Variants in VMA21 observed in about 807,000 individuals in gnomAD.
The protein encoded by VMA21 is vacuolar ATPase assembly integral membrane protein VMA21.
For synonymous variants in VMA21, 47 were observed against 34.1 expected, an observed-to-expected ratio of 1.38 and a Z score of -1.32; for missense variants, 61 against 80.6, an observed-to-expected ratio of 0.76 and a Z score of 0.93.
At chrX:151,398,187 T>G (rs1426997009) in intron 1 of VMA21, among the ~76,000 whole-genome samples, 2 of 108,232 alleles carry the variant, frequency 1.8e-5, no homozygotes, top group East Asian at 2.9e-4. Context: ...GTGAGTTTTT[T>G]TTTTTTTTTT....
At chrX:151,404,048 A>G (rs2011260779) in intron 2 of VMA21, among the ~76,000 whole-genome samples, 1 of 104,940 alleles carries the variant, frequency 9.5e-6, no homozygotes, top group South Asian at 4.6e-4. Flanking sequence ...GAAGGAAGAG[A>G]GAATGAAGTC....
chrX:151,408,501 GAC>G lies in VMA21; in HGVS notation c.*3447_*3448del. On this transcript the variant is annotated 3_prime_UTR_variant, in exon 3 of 3. Coordinates refer to ENST00000330374, the MANE Select transcript of VMA21 (RefSeq NM_001017980.4). ...AGTTGTAAACTTATGGTTCAACTCT[GAC>G]ACAGAATTTGTCACTTGTCTGAGGT... The G allele has an allele frequency of 8.9e-6, 1 of 112,338 alleles. No individual in the cohort carries two copies. The highest frequency in any genetic ancestry group is 3.7e-4 in the South Asian group (1 of 2,682). The allele number at this position is 112,338 out of a possible 1,213,427, so 9.3% of individuals were successfully genotyped here.
At chrX:151,397,399 GCC>G in intron 1 of VMA21, 38 bp downstream of exon 1, 2 of 1,152,330 alleles carry the variant, frequency 1.7e-6, no homozygotes, top group African/African-American at 1.8e-5. Flanking sequence ...AGGCGGACTG[GCC>G]CCAGCCTGGA....
chrX:151,398,087 A>C (rs2011208082), intron 1 of VMA21, among the ~76,000 whole-genome samples: 1 of 110,595 alleles, frequency 9.0e-6, no homozygotes, highest in Non-Finnish European at 1.9e-5. Flanking sequence ...GTTAGTATGT[A>C]ATTGAAGCTA....
In VMA21 at chrX:151,408,264, G is replaced by T. The variant is rs1022706416; in HGVS notation, c.*3206G>T. On this transcript the variant is annotated 3_prime_UTR_variant, in exon 3 of 3. Coordinates refer to ENST00000330374, the MANE Select transcript of VMA21 (RefSeq NM_001017980.4). Reference sequence around the variant, plus strand: ...AAGAAACAACCAATTGACTTGTTTGGCGTTTGTTTTCCATTTTCATGTCAA... The same window carrying T: ...AAGAAACAACCAATTGACTTGTTTGTCGTTTGTTTTCCATTTTCATGTCAA... 1 of 111,510 alleles carries T rather than the reference G, an allele frequency of 9.0e-6. No homozygotes were observed. Among genetic ancestry groups the T allele is most frequent in the African/African-American group, 3.3e-5 (1 of 30,578 alleles). The allele number at this position is 111,510 out of a possible 1,213,427, so 9.2% of individuals were successfully genotyped here.
chrX:151,402,382 A>G (rs764798868), intron 1 of VMA21, among the ~76,000 whole-genome samples: 8 of 110,975 alleles, frequency 7.2e-5, no homozygotes, highest in Non-Finnish European at 1.1e-4. Context: ...GGGTTTTGCC[A>G]TGTTGGCCAG....
Position 151,409,031 on chromosome X carries a change from TC to T in VMA21, c.*3974del, listed in dbSNP as rs1290572487. The T allele has an allele frequency of 3.5e-5, 4 of 112,786 alleles. No individual in the cohort carries two copies. Among genetic ancestry groups the T allele is most frequent in the Admixed American group, 1.9e-4 (2 of 10,654 alleles). 9.3% of individuals were successfully genotyped at this position (112,786 alleles called of 1,213,427 possible). ...GTTTGCAAAGAACGTTCACACATTC[TC>T]ATTTGAGTTTTGCATAGTGAACCTG... On this transcript the variant is annotated 3_prime_UTR_variant, in exon 3 of 3. Coordinates refer to ENST00000330374, the MANE Select transcript of VMA21 (RefSeq NM_001017980.4).
In VMA21 at chrX:151,404,897, G is replaced by GT. The variant is rs753508417; in HGVS notation, c.164-11dup. ...TAAATTTTGCAATAAAATGGAAACT[G>GT]TTTTTTTTCTCTTGATAGGCGCCCT... On this transcript the variant is annotated intron_variant, in intron 2 of 2. Coordinates refer to ENST00000330374, the MANE Select transcript of VMA21 (RefSeq NM_001017980.4). The GT allele has an allele frequency of 1.4e-4, 173 of 1,195,226 alleles. 2 individuals are homozygous for GT. The South Asian group carries it at 2.1e-3, about 15-fold the overall frequency.
At position 151,403,753 on chromosome X, in the gene VMA21, C is replaced by G. The variant is rs1169163090; in HGVS notation, c.163+13C>G. 2 of 1,130,215 alleles carry G rather than the reference C, an allele frequency of 1.8e-6. No homozygotes were observed. Among genetic ancestry groups the G allele is most frequent in the Admixed American group, 2.2e-5 (1 of 45,936 alleles). The allele number at this position is 1,130,215 out of a possible 1,213,427, so 93.1% of individuals were successfully genotyped here. On this transcript the variant is annotated intron_variant, in intron 2 of 2. Transcript: ENST00000330374. ...TACATATTTGAAGGTAATCTTAGAC[C>G]CATTAAAACAAGATGTTTTCCCCCA...
At position 151,406,931 on chromosome X, in the gene VMA21, CTG is replaced by C. The variant is rs757113678; in HGVS notation, c.*1875_*1876del. 1 of 112,384 alleles carries C rather than the reference CTG, an allele frequency of 8.9e-6. No individual in the cohort carries two copies. Among genetic ancestry groups the C allele is most frequent in the East Asian group, 2.8e-4 (1 of 3,578 alleles). 9.3% of individuals were successfully genotyped at this position (112,384 alleles called of 1,213,427 possible). A position where few individuals can be genotyped will look rare whatever the true frequency, so the allele number is the denominator to read the frequency against. ...AAAGATCAGTATGATTATTATGGAA[CTG>C]TTTTTAATTCTTGCTTAAAGACTAC... On this transcript the variant is annotated 3_prime_UTR_variant, in exon 3 of 3. Coordinates refer to ENST00000330374, the MANE Select transcript of VMA21 (RefSeq NM_001017980.4).
At chrX:151,401,446 A>C (rs2011236393) in intron 1 of VMA21, among the ~76,000 whole-genome samples, 1 of 112,047 alleles carries the variant, frequency 8.9e-6, no homozygotes, top group South Asian at 3.7e-4. Flanking sequence ...TTTAAATCAG[A>C]AAGTGTGATG....
upstream of VMA21, chrX:151,397,019 G>A (rs766140738): frequency 2.4e-5 from 12 of 506,282 alleles, no homozygotes; most frequent in South Asian, 7.6e-5. Context: ...TCGAGCACAG[G>A]CCCCTCCTGG....
chrX:151,401,225 G>C lies in VMA21; in HGVS notation c.54-2406G>C, dbSNP rs6627389. On this transcript the variant is annotated intron_variant, in intron 1 of 2. Coordinates refer to ENST00000330374, the MANE Select transcript of VMA21 (RefSeq NM_001017980.4). ...TTTTTGTTTATGGTGTAAGAGTCCAGTTTTTTTCTTTGCATGTAGAAATCC... is the reference window on the plus strand; with the variant it reads ...TTTTTGTTTATGGTGTAAGAGTCCACTTTTTTTCTTTGCATGTAGAAATCC... Among the ~76,000 whole-genome samples, 68 of 111,579 alleles carry C rather than the reference G, an allele frequency of 6.1e-4. No homozygotes were observed. The East Asian group carries it at 0.018, about 30-fold the overall frequency.
rs1041751355 is a variant in VMA21 at position 151,405,326 on chromosome X, ATCT to A, written c.*273_*275del. Reference sequence around the variant, plus strand: ...TAGACAATACTCTGGAAGGAATTTTATCTTCTTTCAACAAAACATGTTTTATAG... The same window carrying A: ...TAGACAATACTCTGGAAGGAATTTTATCTTTCAACAAAACATGTTTTATAG... On this transcript the variant is annotated 3_prime_UTR_variant, in exon 3 of 3. Coordinates refer to ENST00000330374, the MANE Select transcript of VMA21 (RefSeq NM_001017980.4). 94 of 291,205 alleles carry A rather than the reference ATCT, an allele frequency of 3.2e-4. No individual in the cohort carries two copies. The highest frequency in any genetic ancestry group is 2.5e-3 in the African/African-American group (91 of 36,221). 24.0% of individuals were successfully genotyped at this position (291,205 alleles called of 1,213,427 possible).
upstream of VMA21, chrX:151,397,187 A>G: frequency 1.2e-6 from 1 of 807,961 alleles, no homozygotes; most frequent in Non-Finnish European, 1.7e-6. Flanking sequence ...GCGAACGGGC[A>G]CTTCCGGCGC....
At chrX:151,402,994 G>C (rs2011249701) in intron 1 of VMA21, among the ~76,000 whole-genome samples, 1 of 111,851 alleles carries the variant, frequency 8.9e-6, no homozygotes, top group Admixed American at 9.4e-5. Flanking sequence ...CGGTGCTGGT[G>C]GTCAGGGTTG....
chrX:151,397,269 C>G lies in VMA21; in HGVS notation c.-40C>G. Reference sequence around the variant, plus strand: ...GCTTACTGAGCGCGGCCGCCGAGCCCAGCTCCGCCGCCGAGCGCCTGTGCC... The same window carrying G: ...GCTTACTGAGCGCGGCCGCCGAGCCGAGCTCCGCCGCCGAGCGCCTGTGCC... On this transcript the variant is annotated 5_prime_UTR_variant, in exon 1 of 3. Transcript: ENST00000330374. The G allele has an allele frequency of 8.7e-7, 1 of 1,150,680 alleles. No homozygotes were observed. Among genetic ancestry groups the G allele is most frequent in the Non-Finnish European group, 1.2e-6 (1 of 867,505 alleles). 94.8% of individuals were successfully genotyped at this position (1,150,680 alleles called of 1,213,427 possible).
intron 1 of VMA21, among the ~76,000 whole-genome samples, chrX:151,402,073 G>A (rs2011241229): frequency 9.0e-6 from 1 of 110,778 alleles, no homozygotes; most frequent in Non-Finnish European, 1.9e-5. Context: ...TATTATAAAT[G>A]AGATTGTTTT....
At chrX:151,397,026 C>G, upstream of VMA21, 1 of 506,120 alleles carries the variant, frequency 2.0e-6, no homozygotes. Context: ...CAGGCCCCTC[C>G]TGGCAGGGCG....
Sources: allele counts gnomAD v4.1 joint callset (sites outside exome capture counted in the v4.1 genomes callset), GRCh38; gene constraint gnomAD v4.1.1; transcripts MANE v1.5; gene names NCBI Gene and HGNC (gene_info 2026-07-23, HGNC 2026-07-21).